Variants in MPDZ observed in about 807,000 individuals in gnomAD.
MPDZ encodes the protein multiple PDZ domain protein.
In MPDZ, 234 loss-of-function variants were observed where a neutral mutation model predicts 239.1. That is an observed-to-expected ratio of 0.98 (90% CI 0.88 to 1.09). MPDZ has a LOEUF of 1.09. MPDZ is among the 50% of genes least tolerant of loss of function. MPDZ has a pLI of 0.00. For synonymous variants in MPDZ, 1,048 were observed against 881.3 expected (o/e 1.19, Z -3.35); for missense variants, 3,175 against 2,510.0 (o/e 1.26, Z -5.66).
Position 13,202,951 on chromosome 9 carries a change from G to A in MPDZ, c.1546+2085C>T, listed in dbSNP as rs572285365. ...AGGATGTGGGAGGCACTTCTAATCT[G>A]CCATCTTGTTGATGTCACTCTTCAA... On this transcript the variant is annotated intron_variant, in intron 12 of 46. Coordinates refer to ENST00000319217, the MANE Select transcript of MPDZ (RefSeq NM_001378778.1). Among the ~76,000 whole-genome samples the A allele has an allele frequency of 3.3e-5, 5 of 152,200 alleles. No individual in the cohort carries two copies. In the South Asian group the frequency reaches 1.0e-3, roughly 32 times the overall value.
At chr9:13,187,048 C>G (rs905872996) in intron 17 of MPDZ, among the ~76,000 whole-genome samples, 1 of 152,106 alleles carries the variant, frequency 6.6e-6, no homozygotes, top group African/African-American at 2.4e-5. Flanking sequence ...CATATTTATT[C>G]CACTCTCAGA....
At chr9:13,136,400 C>T (rs1369444397) in intron 30 of MPDZ, among the ~76,000 whole-genome samples, 3 of 132,980 alleles carry the variant, frequency 2.3e-5, no homozygotes. Flanking sequence ...GGCACAGTCT[C>T]AGCTCACTGC....
chr9:13,121,875 G>A lies in MPDZ; in HGVS notation c.5095C>T (p.Gln1699Ter). ...GTCAGGCGCACTCTCTGTGGCGTCT[G>A]TCTCAGGACATTGATTGCTTCATCA... ...THDEAINVLR[Q>*]TPQRVRLTLY... The change falls in exon 38 of 47, where the codon CAG (glutamine) becomes TAG (stop). Residue 1699 changes from glutamine (Q) to a stop codon, truncating the protein, a stop_gained. Transcript: ENST00000319217. LOFTEE classifies it high-confidence loss of function. The A allele has an allele frequency of 1.2e-6, 2 of 1,613,922 alleles. No individual in the cohort carries two copies. Among genetic ancestry groups the A allele is most frequent in the Non-Finnish European group, 1.7e-6 (2 of 1,179,874 alleles).
chr9:13,224,434 T>G lies in MPDZ; in HGVS notation c.333A>C (p.Pro111=). 6.2e-7 allele frequency: 1 copy of G among 1,612,952 alleles called. No homozygotes were observed. Among genetic ancestry groups the G allele is most frequent in the African/African-American group, 1.3e-5 (1 of 74,976 alleles). The change falls in exon 4 of 47, where the codon CCA becomes CCC. Residue 111 remains proline, a synonymous_variant. Coordinates refer to ENST00000319217, the MANE Select transcript of MPDZ (RefSeq NM_001378778.1). ...NLEALTGPGI[P]HINGKPACDE... is the part of the protein sequence containing the mutation. Reference sequence around the variant, plus strand: ...CACAAGCAGGTTTCCCATTAATGTGTGGAATACCAGGTCCTGTAAGTGCTT... The same window carrying G: ...CACAAGCAGGTTTCCCATTAATGTGGGGAATACCAGGTCCTGTAAGTGCTT...
At chr9:13,157,200 C>T (rs58731852) in intron 24 of MPDZ, among the ~76,000 whole-genome samples, 3,828 of 152,140 alleles carry the variant, frequency 0.025, 111 homozygotes, top group South Asian at 0.089. Flanking sequence ...TTACTGAACA[C>T]AAAGCATCAC....
rs1941521268 is a variant in MPDZ at position 13,106,752 on chromosome 9, TA to T, written c.*212del. The T allele has an allele frequency of 1.2e-5, 6 of 515,130 alleles. No individual in the cohort carries two copies. Among genetic ancestry groups the T allele is most frequent in the Non-Finnish European group, 2.0e-5 (6 of 293,360 alleles). The allele number at this position is 515,130 out of a possible 1,614,324, so 31.9% of individuals were successfully genotyped here. On this transcript the variant is annotated 3_prime_UTR_variant, in exon 47 of 47. Transcript: ENST00000319217. ...CACCTACACAAATATTCCTTCTCTTTAAGTTCACAAAATGCAAGAAGAAAAG... is the reference window on the plus strand; with the variant it reads ...CACCTACACAAATATTCCTTCTCTTTAGTTCACAAAATGCAAGAAGAAAAG...
At chr9:13,115,221 G>T (rs557688966) in intron 40 of MPDZ, 27 bp downstream of exon 40, 2 of 1,587,946 alleles carry the variant, frequency 1.3e-6, no homozygotes, top group Admixed American at 1.7e-5. Context: ...CGATTGCATC[G>T]CCCTGATGAA....
intron 3 of MPDZ, among the ~76,000 whole-genome samples, chr9:13,225,144 C>T (rs1270292994): frequency 6.6e-6 from 1 of 151,798 alleles, no homozygotes; most frequent in African/African-American, 2.4e-5. Flanking sequence ...TCAAACACAG[C>T]TATACATGTG....
intron 24 of MPDZ, among the ~76,000 whole-genome samples, chr9:13,152,061 A>G (rs1587293367): frequency 6.6e-6 from 1 of 152,218 alleles, no homozygotes; most frequent in East Asian, 1.9e-4. Context: ...TACATATATT[A>G]AGTAATCAAA....
At chr9:13,260,064 A>T (rs1438088215) in intron 1 of MPDZ, among the ~76,000 whole-genome samples, 1 of 150,764 alleles carries the variant, frequency 6.6e-6, no homozygotes, top group African/African-American at 2.4e-5. Flanking sequence ...CTGGTCTTGA[A>T]CTCCTGACCT....
At chr9:13,260,486 GTTTGAA>G (rs1970438995) in intron 1 of MPDZ, among the ~76,000 whole-genome samples, 1 of 152,170 alleles carries the variant, frequency 6.6e-6, no homozygotes, top group East Asian at 1.9e-4. Context: ...CCCTAATAGA[GTTTGAA>G]TAGCTGAGTA....
chr9:13,211,386 A>G (rs948250935), intron 10 of MPDZ, among the ~76,000 whole-genome samples: 5 of 152,136 alleles, frequency 3.3e-5, no homozygotes, highest in Non-Finnish European at 4.4e-5. Context: ...TAGTCAAAAT[A>G]TAAGAAGTCA....
intron 38 of MPDZ, among the ~76,000 whole-genome samples, chr9:13,121,211 C>T (rs1380050144): frequency 1.3e-5 from 2 of 152,074 alleles, no homozygotes; most frequent in East Asian, 3.9e-4. Flanking sequence ...CAATATCTTC[C>T]ACTCTCCTTT....
In MPDZ at chr9:13,196,213, C is replaced by A; in HGVS notation, c.1564G>T (p.Ala522Ser). ...TEEEGYPLLSAEIEEIEDAQK... is the reference protein window; with the variant it reads ...TEEEGYPLLSSEIEEIEDAQK... ...GCATCTTCTATTTCTTCTATCTCAGCTGACAGTAATGGATACCCTGAAACA... is the reference window on the plus strand; with the variant it reads ...GCATCTTCTATTTCTTCTATCTCAGATGACAGTAATGGATACCCTGAAACA... The change falls in exon 13 of 47, where the codon GCT becomes TCT. Residue 522 changes from alanine to serine, a missense_variant. Ala to Ser is a moderately conservative substitution (Grantham distance 99). Coordinates refer to ENST00000319217, the MANE Select transcript of MPDZ (RefSeq NM_001378778.1). 1 of 1,591,350 alleles carries A rather than the reference C, an allele frequency of 6.3e-7. No homozygotes were observed. Among genetic ancestry groups the A allele is most frequent in the Non-Finnish European group, 8.6e-7 (1 of 1,167,092 alleles).
At chr9:13,274,219 T>C (rs1973650437) in intron 1 of MPDZ, among the ~76,000 whole-genome samples, 1 of 152,076 alleles carries the variant, frequency 6.6e-6, no homozygotes. Flanking sequence ...ATCAAAATAA[T>C]TTTAAAACAT....
chr9:13,106,685 G>C lies in MPDZ; in HGVS notation c.*280C>G, dbSNP rs946713435. The C allele has an allele frequency of 1.9e-5, 6 of 315,102 alleles. No homozygotes were observed. Among genetic ancestry groups the C allele is most frequent in the Middle Eastern group, 9.4e-4 (1 of 1,068 alleles). The allele number at this position is 315,102 out of a possible 1,614,324, so 19.5% of individuals were successfully genotyped here. On this transcript the variant is annotated 3_prime_UTR_variant, in exon 47 of 47. Transcript: ENST00000319217. ...AGCATGTAATAATTCTTGCCCATGT[G>C]ACTACAAAACATTAGATATCTCCAC...
intron 35 of MPDZ, among the ~76,000 whole-genome samples, chr9:13,124,600 G>A (rs1293751610): frequency 1.3e-5 from 2 of 152,172 alleles, no homozygotes; most frequent in Admixed American, 1.3e-4. Flanking sequence ...TAGACTGGAA[G>A]TGTAATGACA....
intron 27 of MPDZ, among the ~76,000 whole-genome samples, chr9:13,141,907 T>C (rs895667585): frequency 9.2e-5 from 14 of 152,288 alleles, no homozygotes; most frequent in African/African-American, 2.4e-4. Context: ...ATGGAACCCT[T>C]GTTATGTTCC....
chr9:13,218,368 AG>A (rs1958635253), intron 8 of MPDZ, among the ~76,000 whole-genome samples: 1 of 151,892 alleles, frequency 6.6e-6, no homozygotes, highest in Non-Finnish European at 1.5e-5. Flanking sequence ...TGGTTTTAAA[AG>A]GGGCACAAGC....
Sources: gnomAD v4.1 joint callset for allele counts (sites outside exome capture counted in the v4.1 genomes callset) on GRCh38, gnomAD v4.1.1 for gene constraint, MANE v1.5 for transcripts, NCBI Gene and HGNC (gene_info 2026-07-23, HGNC 2026-07-21) for gene names.